The following TTLL5 variants were observed in gnomAD, a reference collection of about 807,000 sequenced individuals.
TTLL5 encodes tubulin polyglutamylase TTLL5.
TTLL5 carries 132 observed loss-of-function variants against 168.4 expected under a neutral mutation model. That is an observed-to-expected ratio of 0.78 (90% CI 0.68 to 0.91). TTLL5 has a LOEUF of 0.91. Among genes scored for constraint, TTLL5 ranks in the 40% least tolerant of loss-of-function variants. The pLI, the probability that TTLL5 is intolerant of heterozygous loss-of-function variation, is 0.00. For missense variants in TTLL5, 1,545 were observed against 1,581.5 expected (o/e 0.98, Z 0.39); for synonymous variants, 546 against 558.6 (o/e 0.98, Z 0.32).
intron 31 of TTLL5, among the ~76,000 whole-genome samples, chr14:75,952,233 G>A (rs2140224127): frequency 6.6e-6 from 1 of 152,282 alleles, no homozygotes; most frequent in East Asian, 1.9e-4. Context: ...ACAGTGGTCA[G>A]CAGCCACCAG....
intron 30 of TTLL5, among the ~76,000 whole-genome samples, chr14:75,884,020 T>C (rs2031962384): frequency 6.6e-6 from 1 of 152,214 alleles, no homozygotes. Flanking sequence ...ACAAGTTACT[T>C]AATCTCCTAG....
chr14:75,801,507 A>C (rs565640300), intron 27 of TTLL5, among the ~76,000 whole-genome samples: 48 of 152,294 alleles, frequency 3.2e-4, no homozygotes, highest in African/African-American at 1.1e-3. Context: ...AAAATGTACG[A>C]TAAATTATTG....
chr14:75,786,985 T>C (rs1446433162), intron 26 of TTLL5, among the ~76,000 whole-genome samples: 1 of 151,908 alleles, frequency 6.6e-6, no homozygotes, highest in Non-Finnish European at 1.5e-5. Flanking sequence ...ATACAAAAAT[T>C]AGCCAGGCAT....
At chr14:75,879,546 A>G (rs1386357318) in intron 29 of TTLL5, among the ~76,000 whole-genome samples, 1 of 152,190 alleles carries the variant, frequency 6.6e-6, no homozygotes, top group East Asian at 1.9e-4. Flanking sequence ...TGCCTAGGCT[A>G]AGGTTACCTA....
chr14:75,858,492 T>G (rs1307483443), intron 28 of TTLL5, among the ~76,000 whole-genome samples: 1 of 152,236 alleles, frequency 6.6e-6, no homozygotes, highest in Non-Finnish European at 1.5e-5. Context: ...TATGTAATAG[T>G]TGTCTCAAGG....
chr14:75,953,982 C>T (rs2035035864), intron 31 of TTLL5, among the ~76,000 whole-genome samples: 1 of 152,236 alleles, frequency 6.6e-6, no homozygotes, highest in South Asian at 2.1e-4. Context: ...GGCGCAGTGG[C>T]TCACACCTGT....
chr14:75,783,090 G>T (rs192985158), intron 25 of TTLL5, 57 bp from the exon 26 acceptor site: 1 of 1,482,248 alleles, frequency 6.7e-7, no homozygotes. Context: ...TTGTTTTATA[G>T]AGATTGTATG....
At chr14:75,889,583 T>C (rs1048380370) in intron 30 of TTLL5, among the ~76,000 whole-genome samples, 1 of 152,068 alleles carries the variant, frequency 6.6e-6, no homozygotes, top group African/African-American at 2.4e-5. Flanking sequence ...CCCAGCACTT[T>C]GGAAGGCCGA....
chr14:75,850,096 AAAAAAT>A (rs1172018694), intron 28 of TTLL5, among the ~76,000 whole-genome samples: 12 of 151,816 alleles, frequency 7.9e-5, no homozygotes, highest in Non-Finnish European at 1.0e-4. Flanking sequence ...ACAGGGTCTC[AAAAAAT>A]AAAAATAAAA....
At chr14:75,863,551 A>T in intron 28 of TTLL5, 116 bp from the exon 29 acceptor site, 1 of 989,870 alleles carries the variant, frequency 1.0e-6, no homozygotes, top group Non-Finnish European at 1.5e-6. Context: ...GTAGATTTGT[A>T]ATTCCAAACT....
intron 3 of TTLL5, among the ~76,000 whole-genome samples, chr14:75,674,083 A>T (rs1448809759): frequency 3.9e-5 from 6 of 152,370 alleles, no homozygotes; most frequent in South Asian, 2.1e-4. Context: ...TTGGAAAATA[A>T]TATCCATCAA....
In TTLL5 at chr14:75,738,696, A is replaced by T. The variant is rs984440893; in HGVS notation, c.1281+3407A>T. Among the ~76,000 whole-genome samples, 4 of 152,206 alleles carry T rather than the reference A, an allele frequency of 2.6e-5. No individual in the cohort carries two copies. The East Asian group carries it at 7.7e-4, about 29-fold the overall frequency. On this transcript the variant is annotated intron_variant, in intron 15 of 31. Transcript: ENST00000298832. ...TGACTTCAAAGAGCTTATATTCTAAATATACCTGGAACTAATGTACTGAAA... is the reference window on the plus strand; with the variant it reads ...TGACTTCAAAGAGCTTATATTCTAATTATACCTGGAACTAATGTACTGAAA...
intron 29 of TTLL5, among the ~76,000 whole-genome samples, chr14:75,865,266 G>GT (rs200169277): frequency 0.17 from 24,401 of 140,428 alleles, 2,566 homozygotes; most frequent in East Asian, 0.41. Flanking sequence ...CTTAGTTGTT[G>GT]TTTTTTTTTT....
At chr14:75,813,194 CTGTGTGTGTGTG>C (rs61154954) in intron 27 of TTLL5, among the ~76,000 whole-genome samples, 27 of 142,440 alleles carry the variant, frequency 1.9e-4, no homozygotes, top group Non-Finnish European at 3.8e-4. Context: ...CTGGAACAAG[CTGTGTGTGTGTG>C]TGTGTGTGTG....
At chr14:75,698,584 T>C (rs1886028265) in intron 6 of TTLL5, among the ~76,000 whole-genome samples, 1 of 152,188 alleles carries the variant, frequency 6.6e-6, no homozygotes, top group Non-Finnish European at 1.5e-5. Context: ...ATATTTGCCT[T>C]ATTTTGTTTT....
Position 75,779,721 on chromosome 14 carries a change from G to GA in TTLL5, c.2515+21dup. On this transcript the variant is annotated intron_variant, in intron 24 of 31. Transcript: ENST00000298832. ...AAAGGTGGTAAGTATACTGGTTAAT[G>GA]AACGAAAAATAAGAAGAACAAGTGA... 1 of 1,582,974 alleles carries GA rather than the reference G, an allele frequency of 6.3e-7. No individual in the cohort carries two copies. The highest frequency in any genetic ancestry group is 8.6e-7 in the Non-Finnish European group (1 of 1,168,838).
intron 6 of TTLL5, among the ~76,000 whole-genome samples, chr14:75,694,761 G>A (rs1438547320): frequency 2.6e-5 from 4 of 152,226 alleles, no homozygotes; most frequent in Non-Finnish European, 4.4e-5. Context: ...AATTTCTTAC[G>A]CCTATCTTTA....
intron 22 of TTLL5, 50 bp from the exon 23 acceptor site, chr14:75,776,697 G>A: frequency 5.9e-6 from 8 of 1,348,886 alleles, no homozygotes; most frequent in Non-Finnish European, 8.4e-6. Flanking sequence ...ATATTTATTA[G>A]GAGTCAGTTT....
intron 28 of TTLL5, among the ~76,000 whole-genome samples, chr14:75,833,299 T>G (rs1895684001): frequency 6.6e-6 from 1 of 152,238 alleles, no homozygotes; most frequent in Non-Finnish European, 1.5e-5. Flanking sequence ...ATCTTCACCC[T>G]CCTGTCACCC....
Sources: gnomAD v4.1 joint callset for allele counts (sites outside exome capture counted in the v4.1 genomes callset) on GRCh38, gnomAD v4.1.1 for gene constraint, MANE v1.5 for transcripts, NCBI Gene and HGNC (gene_info 2026-07-23, HGNC 2026-07-21) for gene names.